The following USF3 variants were observed in gnomAD, a reference collection of about 807,000 sequenced individuals.
USF3 encodes the protein upstream transcription factor family member 3.
A neutral mutation model predicts 157.5 loss-of-function variants in USF3; 29 were observed. The observed-to-expected ratio is 0.18, with a 90% CI of 0.14 to 0.25. The LOEUF (loss-of-function observed/expected upper bound fraction) is 0.25, where lower values mean the gene tolerates loss of function less well. USF3 is among the 10% of genes least tolerant of loss of function. USF3 has a pLI of 1.00. For missense variants in USF3, 2,381 were observed against 2,667.6 expected (o/e 0.89, Z 2.37); for synonymous variants, 893 against 941.4 (o/e 0.95, Z 0.94).
chr3:113,688,897 GGCGGGAGCCTGTAGTCCCA>G (rs1707620370), intron 1 of USF3, among the ~76,000 whole-genome samples: 1 of 152,180 alleles, frequency 6.6e-6, no homozygotes, highest in East Asian at 1.9e-4. Context: ...TGGGCGTGGT[GGCGGGAGCCTGTAGTCCCA>G]GCTACTCGGG....
At position 113,655,607 on chromosome 3, in the gene USF3, T is replaced by A; in HGVS notation, c.6075A>T (p.Gly2025=). ...PLSTGGSMIL[G]RQQPATEKRG... ...TCTTCTCTGTGGCAGGTTGTTGACG[T>A]CCAAGAATCATACTGCCACCAGTAG... is the stretch of plus-strand genomic sequence containing the variant. The change falls in exon 7 of 7, where the codon GGA becomes GGT. Residue 2025 remains glycine, a synonymous_variant. Coordinates refer to ENST00000316407, the MANE Select transcript of USF3 (RefSeq NM_001009899.4). 6.2e-7 allele frequency: 1 copy of A among 1,614,054 alleles called. No individual in the cohort carries two copies. Among genetic ancestry groups the A allele is most frequent in the Non-Finnish European group, 8.5e-7 (1 of 1,179,978 alleles).
At position 113,658,292 on chromosome 3, in the gene USF3, A is replaced by G; in HGVS notation, c.3390T>C (p.Thr1130=). 6.2e-7 allele frequency: 1 copy of G among 1,614,110 alleles called. No individual in the cohort carries two copies. Among genetic ancestry groups the G allele is most frequent in the Non-Finnish European group, 8.5e-7 (1 of 1,180,010 alleles). ...CTCTTGCTGCAAGAGCTACTATATC[A>G]GTTTGCTCTACAAAGGTACAGCTGT... ...TCDSCTFVEQ[T]DIVALAARAI... is the part of the protein sequence containing the mutation. The change falls in exon 7 of 7, where the codon ACT becomes ACC. Residue 1130 remains threonine, a synonymous_variant. Coordinates refer to ENST00000316407, the MANE Select transcript of USF3 (RefSeq NM_001009899.4).
chr3:113,679,231 T>G (rs952181396), intron 1 of USF3, among the ~76,000 whole-genome samples: 1 of 152,052 alleles, frequency 6.6e-6, no homozygotes, highest in Non-Finnish European at 1.5e-5. Flanking sequence ...AGTTTTCAAG[T>G]GTGGTGCTCA....
In USF3 at chr3:113,658,084, C is replaced by G. The variant is rs768077848; in HGVS notation, c.3598G>C (p.Gly1200Arg). ...EATPNEFNSQGSIEATMERPL... is the reference protein window; with the variant it reads ...EATPNEFNSQRSIEATMERPL... The stretch of plus-strand genomic sequence containing the variant: ...CTCTCCATAGTTGCTTCAATTGAAC[C>G]CTGAGAATTAAATTCATTTGGTGTT... Residue 1200 changes from glycine to arginine, a missense_variant, in exon 7 of 7, where the codon GGT (glycine) becomes CGT (arginine). Coordinates refer to ENST00000316407, the MANE Select transcript of USF3 (RefSeq NM_001009899.4). The G allele has an allele frequency of 9.9e-6, 16 of 1,614,110 alleles. No homozygotes were observed. The highest frequency in any genetic ancestry group is 1.3e-5 in the Non-Finnish European group (15 of 1,180,026).
chr3:113,692,812 G>A (rs1707713890), intron 1 of USF3, among the ~76,000 whole-genome samples: 1 of 152,132 alleles, frequency 6.6e-6, no homozygotes, highest in African/African-American at 2.4e-5. Flanking sequence ...TCCCCATATG[G>A]AAATTTTAAT....
rs1947237393 is a variant in USF3 at position 113,650,227 on chromosome 3, C to A, written c.*4717G>T. The A allele has an allele frequency of 5.0e-6, 1 of 201,466 alleles. No individual in the cohort carries two copies. Among genetic ancestry groups the A allele is most frequent in the African/African-American group, 2.3e-5 (1 of 43,038 alleles). The allele number at this position is 201,466 out of a possible 1,614,324, so 12.5% of individuals were successfully genotyped here. A position where few individuals can be genotyped will look rare whatever the true frequency, so the allele number is the denominator to read the frequency against. On this transcript the variant is annotated 3_prime_UTR_variant, in exon 7 of 7. Coordinates refer to ENST00000316407, the MANE Select transcript of USF3 (RefSeq NM_001009899.4). The stretch of plus-strand genomic sequence containing the variant: ...CCCTTTCATTCTTCACAGGAAAAAA[C>A]AAGGCCAACCAAACCAAGGGACAGA...
intron 1 of USF3, among the ~76,000 whole-genome samples, chr3:113,685,192 T>C (rs1039999185): frequency 6.6e-6 from 1 of 152,034 alleles, no homozygotes; most frequent in Non-Finnish European, 1.5e-5. Flanking sequence ...TCCCTTATTT[T>C]CCCCCAAGCA....
chr3:113,666,658 G>A (rs568819306), intron 5 of USF3, among the ~76,000 whole-genome samples: 68 of 141,158 alleles, frequency 4.8e-4, no homozygotes, highest in African/African-American at 1.6e-3. Context: ...TGCAACCTCC[G>A]CCTCCTGGGT....
Position 113,652,107 on chromosome 3 carries a change from GA to G in USF3, c.*2836del, listed in dbSNP as rs1947270996. The G allele has an allele frequency of 7.7e-6, 1 of 129,968 alleles. No individual in the cohort carries two copies. Among genetic ancestry groups the G allele is most frequent in the Non-Finnish European group, 1.7e-5 (1 of 58,252 alleles). 8.1% of individuals were successfully genotyped at this position (129,968 alleles called of 1,614,324 possible). ...CTGGAGAGAGAGAGAGAGAGAGAGA[GA>G]GTGTGTGTGTGTGTGTGTGTGTGTG... On this transcript the variant is annotated 3_prime_UTR_variant, in exon 7 of 7. Coordinates refer to ENST00000316407, the MANE Select transcript of USF3 (RefSeq NM_001009899.4).
chr3:113,690,564 C>T (rs1707660856), intron 1 of USF3, among the ~76,000 whole-genome samples: 1 of 152,110 alleles, frequency 6.6e-6, no homozygotes, highest in Admixed American at 6.5e-5. Flanking sequence ...CTAATTATGC[C>T]ATCTACCCTT....
rs1278686756 is a variant in USF3 at position 113,696,516 on chromosome 3, G to A, written c.-281C>T. The A allele has an allele frequency of 1.3e-5, 2 of 152,384 alleles. No homozygotes were observed. The highest frequency in any genetic ancestry group is 4.8e-5 in the African/African-American group (2 of 41,432). The allele number at this position is 152,384 out of a possible 1,614,324, so 9.4% of individuals were successfully genotyped here. On this transcript the variant is annotated 5_prime_UTR_variant, in exon 1 of 7. Transcript: ENST00000316407. ...GGCCACCGCCTGCTCCTCCGGGGCT[G>A]GGGGAGCGCGGGCCCAGGCCCTCCT... is the stretch of plus-strand genomic sequence containing the variant.
chr3:113,671,910 A>G (rs930250602), intron 4 of USF3, among the ~76,000 whole-genome samples: 3 of 151,258 alleles, frequency 2.0e-5, no homozygotes, highest in African/African-American at 7.3e-5. Context: ...CTGGAACCAT[A>G]GACATGCACT....
At position 113,648,459 on chromosome 3, in the gene USF3, A is replaced by G. The variant is rs551020704; in HGVS notation, c.*6485T>C. On this transcript the variant is annotated 3_prime_UTR_variant, in exon 7 of 7. Coordinates refer to ENST00000316407, the MANE Select transcript of USF3 (RefSeq NM_001009899.4). ...TCATATCTATACAAATAATTATTAC[A>G]ACCATTAAAATGTTACATTTAACAA... is the stretch of plus-strand genomic sequence containing the variant. 60 of 152,800 alleles carry G rather than the reference A, an allele frequency of 3.9e-4. No individual in the cohort carries two copies. Among genetic ancestry groups the G allele is most frequent in the African/African-American group, 1.4e-3 (58 of 41,588 alleles). The allele number at this position is 152,800 out of a possible 1,614,324, so 9.5% of individuals were successfully genotyped here. A position where few individuals can be genotyped will look rare whatever the true frequency, so the allele number is the denominator to read the frequency against.
intron 1 of USF3, among the ~76,000 whole-genome samples, chr3:113,680,727 G>T (rs1348340981): frequency 2.6e-5 from 4 of 151,574 alleles, no homozygotes; most frequent in Admixed American, 6.6e-5. Context: ...CTTGAACCCG[G>T]GAGATGGAGG....
chr3:113,674,649 G>C (rs924394060), intron 3 of USF3, among the ~76,000 whole-genome samples, 183 bp downstream of exon 3: 2 of 152,200 alleles, frequency 1.3e-5, no homozygotes, highest in Admixed American at 6.6e-5. Flanking sequence ...GGCCAGGACA[G>C]ATAATTTTTA....
At position 113,651,543 on chromosome 3, in the gene USF3, T is replaced by C. The variant is rs1048680154; in HGVS notation, c.*3401A>G. 1 of 152,376 alleles carries C rather than the reference T, an allele frequency of 6.6e-6. No homozygotes were observed. Among genetic ancestry groups the C allele is most frequent in the Admixed American group, 6.5e-5 (1 of 15,310 alleles). The allele number at this position is 152,376 out of a possible 1,614,324, so 9.4% of individuals were successfully genotyped here. A position where few individuals can be genotyped will look rare whatever the true frequency, so the allele number is the denominator to read the frequency against. ...CGTTTATTATAACCAAAATTGACTATGTTTTCTGCCATCCCTTTACCAAAA... is the reference window on the plus strand; with the variant it reads ...CGTTTATTATAACCAAAATTGACTACGTTTTCTGCCATCCCTTTACCAAAA... On this transcript the variant is annotated 3_prime_UTR_variant, in exon 7 of 7. Transcript: ENST00000316407.
chr3:113,676,319 T>C (rs1707280845), intron 2 of USF3, among the ~76,000 whole-genome samples: 1 of 152,156 alleles, frequency 6.6e-6, no homozygotes, highest in Non-Finnish European at 1.5e-5. Flanking sequence ...CAAGACTAGG[T>C]AATTTACAAA....
intron 1 of USF3, among the ~76,000 whole-genome samples, chr3:113,695,896 G>A (rs1041725874): frequency 1.3e-5 from 2 of 152,212 alleles, no homozygotes; most frequent in African/African-American, 4.8e-5. Flanking sequence ...TCGACAGAGG[G>A]GTGAGAGGGA....
rs375852285 is a variant in USF3 at position 113,657,632 on chromosome 3, G to A, written c.4050C>T (p.Ala1350=). 1.8e-4 allele frequency: 294 copies of A among 1,614,056 alleles called. No homozygotes were observed. The highest frequency in any genetic ancestry group is 2.4e-4 in the Non-Finnish European group (280 of 1,180,050). Residue 1350 remains alanine (A), a synonymous_variant, in exon 7 of 7, where the codon GCC becomes GCT. Transcript: ENST00000316407. ...GGGACATACTTTCAAGCCTGAGGGG[G>A]GCTGGCTGACAGTGCTTTTGACGTT... is the stretch of plus-strand genomic sequence containing the variant. ...SAKRQKHCQP[A]PLRLESMSLM...
Sources: gnomAD v4.1 joint callset for allele counts (sites outside exome capture counted in the v4.1 genomes callset) on GRCh38, gnomAD v4.1.1 for gene constraint, MANE v1.5 for transcripts, NCBI Gene and HGNC (gene_info 2026-07-23, HGNC 2026-07-21) for gene names.